The following PARP10 variants were observed in gnomAD, a reference collection of about 807,000 sequenced individuals.
PARP10 encodes the protein poly(ADP-ribose) polymerase family member 10, also known as protein mono-ADP-ribosyltransferase PARP10.
A neutral mutation model predicts 82.4 loss-of-function variants in PARP10; 56 were observed. The observed-to-expected ratio is 0.68, with a 90% CI of 0.55 to 0.85. The LOEUF (loss-of-function observed/expected upper bound fraction) is 0.85, where lower values mean the gene tolerates loss of function less well. Ranked by LOEUF, PARP10 falls within the 40% of genes least tolerant of loss-of-function variation. The pLI is 0.00. For missense variants in PARP10, 1,227 were observed against 1,379.4 expected (o/e 0.89, Z 1.75); for synonymous variants, 576 against 601.1 (o/e 0.96, Z 0.61).
At chr8:143,992,196 G>T, upstream of PARP10, 2 of 1,600,858 alleles carry the variant, frequency 1.2e-6, no homozygotes, top group Non-Finnish European at 1.7e-6. Flanking sequence ...GCCGGCAGGG[G>T]TGGCATGGGG....
chr8:143,980,365 A>G (rs1193097695), intron 9 of PARP10, among the ~76,000 whole-genome samples: 2 of 148,006 alleles, frequency 1.4e-5, no homozygotes, highest in Non-Finnish European at 3.0e-5. Flanking sequence ...TCTCTACTAA[A>G]AATACAAAAA....
chr8:143,995,523 C>G (rs536126586), upstream of PARP10, among the ~76,000 whole-genome samples: 2 of 152,240 alleles, frequency 1.3e-5, no homozygotes, highest in African/African-American at 4.8e-5. Flanking sequence ...ACGGGGTGCT[C>G]ACATGGAGTC....
chr8:143,992,115 G>T (rs1248311208), upstream of PARP10: 2 of 1,605,220 alleles, frequency 1.2e-6, no homozygotes, highest in African/African-American at 1.3e-5. Flanking sequence ...CCTGGGTCCG[G>T]CCATGCAGTC....
In PARP10 at chr8:144,008,861, C is replaced by CAAAAAG. The variant is rs1277703828; in HGVS notation, c.-80+3663_-80+3668dup. ...AGGACACTTTGTATATAAAACATAA[C>CAAAAAG]AAAAAGAAAAAGAAAATGCGAATGA... On this transcript the variant is annotated intron_variant, in intron 1 of 3. Coordinates refer to the PARP10 transcript ENST00000530478. The surrounding 1 kb of genome is among the most constrained non-coding windows in gnomAD (Gnocchi z 4.0). Among the ~76,000 whole-genome samples, 5 of 151,986 alleles carry CAAAAAG rather than the reference C, an allele frequency of 3.3e-5. No individual in the cohort carries two copies. Among genetic ancestry groups the CAAAAAG allele is most frequent in the African/African-American group, 1.2e-4 (5 of 41,374 alleles).
intron 1 of PARP10, among the ~76,000 whole-genome samples, chr8:144,001,343 T>G (rs1564260928): frequency 6.6e-6 from 1 of 152,058 alleles, no homozygotes; most frequent in African/African-American, 2.4e-5. Flanking sequence ...CCTCAGCCTC[T>G]CAAGTACCTG....
chr8:143,984,084 G>A lies in PARP10; in HGVS notation c.1701C>T (p.Leu567=), dbSNP rs782154926. ...GLEEVDPTEA[L]PVLPGNAHTL... is the part of the protein sequence containing the mutation. The stretch of plus-strand genomic sequence containing the variant: ...TGTGGGCGTTGCCAGGGAGCACTGG[G>A]AGGGCCTCGGTAGGGTCCACCTGTA... The change falls in exon 7 of 11, where the codon CTC becomes CTT. Residue 567 remains leucine (L), a synonymous_variant. Transcript: ENST00000313028. 1.3e-5 allele frequency: 20 copies of A among 1,551,906 alleles called. No homozygotes were observed. Among genetic ancestry groups the A allele is most frequent in the Non-Finnish European group, 1.7e-5 (19 of 1,148,376 alleles).
chr8:143,986,303 C>A (rs782297279), intron 1 of PARP10, 55 bp downstream of exon 1: 65 of 1,613,964 alleles, frequency 4.0e-5, no homozygotes, highest in Non-Finnish European at 5.4e-5. Context: ...CAGGCCCCTC[C>A]AAGGTGTGTC....
At chr8:143,996,396 A>G (rs542234268) in intron 1 of PARP10, among the ~76,000 whole-genome samples, 4 of 152,282 alleles carry the variant, frequency 2.6e-5, no homozygotes, top group East Asian at 3.9e-4. Context: ...CTGTCAATCA[A>G]CGGTGCCTGC....
chr8:143,995,711 G>A (rs985456709), upstream of PARP10, among the ~76,000 whole-genome samples: 2 of 152,092 alleles, frequency 1.3e-5, no homozygotes, highest in Non-Finnish European at 2.9e-5. Flanking sequence ...GAGCTGTCCT[G>A]GCACTCACAG....
chr8:143,991,040 T>C (rs1277589543), upstream of PARP10: 2 of 459,344 alleles, frequency 4.4e-6, no homozygotes, highest in Non-Finnish European at 7.7e-6. Flanking sequence ...CACGCGCTTC[T>C]CCGGGCCCAG....
upstream of PARP10, chr8:143,991,451 A>G (rs1834093737): frequency 4.7e-6 from 7 of 1,478,646 alleles, no homozygotes; most frequent in Non-Finnish European, 6.3e-6. Flanking sequence ...CCTACCCCCA[A>G]GGGGGCTACC....
At chr8:143,991,289 G>T (rs1554750388), upstream of PARP10, 5 of 1,462,884 alleles carry the variant, frequency 3.4e-6, no homozygotes, top group Non-Finnish European at 4.6e-6. Context: ...CTGGATATCC[G>T]GGGGGGCCCC....
intron 9 of PARP10, among the ~76,000 whole-genome samples, chr8:143,980,318 TCAAAAAAAAAAAAAAAAAAA>T (rs1318074707): frequency 0.022 from 344 of 15,682 alleles, 7 homozygotes; most frequent in Middle Eastern, 0.05. Flanking sequence ...AGATTCCGTC[TCAAAAAAAAAAAAAAAAAAA>T]AAAAAAAAAA....
chr8:143,999,615 G>A (rs1434488675), intron 1 of PARP10, among the ~76,000 whole-genome samples: 4 of 151,380 alleles, frequency 2.6e-5, no homozygotes, highest in African/African-American at 9.7e-5. Context: ...ACCTCCTGAA[G>A]TGCTGGGATT....
rs1403571416 is a variant in PARP10 at position 143,985,927 on chromosome 8, T to C, written c.230A>G (p.Gln77Arg). The C allele has an allele frequency of 6.3e-7, 1 of 1,580,396 alleles. No homozygotes were observed. Among genetic ancestry groups the C allele is most frequent in the Non-Finnish European group, 8.6e-7 (1 of 1,159,570 alleles). ...TGGTGGAGCTGGCCGCAGGCTCAGCTGGGCACCATGTAGTTCGTGATCTGC... is the reference window on the plus strand; with the variant it reads ...TGGTGGAGCTGGCCGCAGGCTCAGCCGGGCACCATGTAGTTCGTGATCTGC... The part of the protein sequence containing the change: ...AQADHELHGA[Q>R]LSLRPAPPRA... The change falls in exon 3 of 11, where the codon CAG becomes CGG. Residue 77 changes from glutamine (Q) to arginine (R), a missense_variant. Coordinates refer to ENST00000313028, the MANE Select transcript of PARP10 (RefSeq NM_032789.5).
intron 1 of PARP10, among the ~76,000 whole-genome samples, chr8:144,002,938 C>T (rs898058632): frequency 2.0e-5 from 3 of 152,122 alleles, no homozygotes; most frequent in Non-Finnish European, 4.4e-5. Context: ...ATTGAGAAGA[C>T]AAGTTAAAAA....
chr8:143,980,681 G>A (rs905631349), intron 9 of PARP10, among the ~76,000 whole-genome samples: 4 of 152,092 alleles, frequency 2.6e-5, no homozygotes, highest in South Asian at 2.1e-4. Flanking sequence ...GGTGACAAGC[G>A]GGGTACTGAG....
chr8:144,012,378 C>T, intron 1 of PARP10: 1 of 685,426 alleles, frequency 1.5e-6, no homozygotes, highest in East Asian at 2.7e-5. Flanking sequence ...CAGCCTCTGA[C>T]CTCACAATAC....
intron 1 of PARP10, among the ~76,000 whole-genome samples, chr8:144,007,932 T>C (rs1834245697): frequency 6.6e-6 from 1 of 152,186 alleles, no homozygotes; most frequent in Non-Finnish European, 1.5e-5. Flanking sequence ...GTGCCTGGTA[T>C]ACAATAAGCG....
Sources: gnomAD v4.1 joint callset for allele counts (sites outside exome capture counted in the v4.1 genomes callset) on GRCh38, gnomAD v4.1.1 for gene constraint, Gnocchi (gnomAD v3.1) non-coding constraint, MANE v1.5 for transcripts, NCBI Gene and HGNC (gene_info 2026-07-23, HGNC 2026-07-21) for gene names.